The following KLHL1 variants were observed in gnomAD, a reference collection of about 807,000 sequenced individuals.
The protein encoded by KLHL1 is kelch like family member 1.
Under a neutral mutation model 77.7 loss-of-function variants are expected in KLHL1, and 47 were observed. The observed-to-expected ratio is 0.60, with a 90% CI of 0.48 to 0.77. The LOEUF (loss-of-function observed/expected upper bound fraction) is 0.77. Among genes scored for constraint, KLHL1 ranks in the 30% least tolerant of loss-of-function variants. KLHL1 has a pLI of 0.00. For missense variants in KLHL1, 925 were observed against 910.8 expected (o/e 1.02, Z -0.20); for synonymous variants, 360 against 325.2 (o/e 1.11, Z -1.15).
At chr13:69,916,096 G>C (rs903128181) in intron 4 of KLHL1, among the ~76,000 whole-genome samples, 1 of 152,126 alleles carries the variant, frequency 6.6e-6, no homozygotes, top group Non-Finnish European at 1.5e-5. Flanking sequence ...AACAACAGGT[G>C]CTGGAGAGGT....
At chr13:69,840,140 A>G (rs893610248) in intron 5 of KLHL1, among the ~76,000 whole-genome samples, 6 of 152,128 alleles carry the variant, frequency 3.9e-5, no homozygotes, top group African/African-American at 1.4e-4. Context: ...CACTATAATT[A>G]TGACTTTAAT....
At chr13:69,765,241 C>T (rs1037568075) in intron 7 of KLHL1, among the ~76,000 whole-genome samples, 1 of 151,852 alleles carries the variant, frequency 6.6e-6, no homozygotes, top group Non-Finnish European at 1.5e-5. Context: ...CATGAGCCAC[C>T]GCACCTGGCC....
intron 5 of KLHL1, among the ~76,000 whole-genome samples, chr13:69,870,516 A>G (rs1485090345): frequency 6.6e-6 from 1 of 151,982 alleles, no homozygotes; most frequent in Admixed American, 6.6e-5. Context: ...TCACATACAA[A>G]ATATCATCAT....
chr13:69,982,032 T>A (rs1477630242), intron 1 of KLHL1, among the ~76,000 whole-genome samples: 1 of 152,148 alleles, frequency 6.6e-6, no homozygotes, highest in African/African-American at 2.4e-5. Flanking sequence ...GTGTTTTTGC[T>A]TGTTTCTTTA....
chr13:69,817,506 G>A (rs1878167300), intron 6 of KLHL1, among the ~76,000 whole-genome samples: 1 of 152,184 alleles, frequency 6.6e-6, no homozygotes, highest in Non-Finnish European at 1.5e-5. Flanking sequence ...TAAAATGCAA[G>A]ATTACATTAG....
At chr13:69,945,178 G>T (rs1486986654) in intron 3 of KLHL1, among the ~76,000 whole-genome samples, 1 of 151,190 alleles carries the variant, frequency 6.6e-6, no homozygotes, top group Non-Finnish European at 1.5e-5. Context: ...GAACAGACGG[G>T]GTTTCACCAT....
chr13:69,753,157 T>C (rs1291194543), intron 7 of KLHL1, among the ~76,000 whole-genome samples: 2 of 152,146 alleles, frequency 1.3e-5, no homozygotes, highest in Non-Finnish European at 1.5e-5. Context: ...GCTCTCTTCC[T>C]CTCTGTCTTT....
At chr13:69,859,254 T>G (rs74880030) in intron 5 of KLHL1, among the ~76,000 whole-genome samples, 6,511 of 141,342 alleles carry the variant, frequency 0.046, 197 homozygotes, top group African/African-American at 0.085. Flanking sequence ...TCATCCATTT[T>G]GCACTTTTTT....
chr13:69,739,940 T>C (rs921910442), intron 8 of KLHL1, among the ~76,000 whole-genome samples: 7 of 152,148 alleles, frequency 4.6e-5, no homozygotes, highest in African/African-American at 1.7e-4. Flanking sequence ...AGGACACTTC[T>C]AAACACTCTG....
chr13:69,853,280 T>C (rs1034925116), intron 5 of KLHL1, among the ~76,000 whole-genome samples: 6 of 151,976 alleles, frequency 3.9e-5, no homozygotes, highest in African/African-American at 9.7e-5. Context: ...GTTCTCCTGA[T>C]AGTGAGTGAG....
At chr13:69,897,831 T>C (rs1881702852) in intron 4 of KLHL1, among the ~76,000 whole-genome samples, 1 of 152,134 alleles carries the variant, frequency 6.6e-6, no homozygotes, top group Non-Finnish European at 1.5e-5. Context: ...AAAGAAAGTA[T>C]AAGAATAGCA....
intron 1 of KLHL1, among the ~76,000 whole-genome samples, chr13:70,086,473 T>C (rs1887538673): frequency 6.7e-6 from 1 of 148,248 alleles, no homozygotes; most frequent in Non-Finnish European, 1.5e-5. Context: ...CCCAGCTACT[T>C]GGAAGGTTGA....
chr13:70,054,077 C>CCT (rs1886689900), intron 1 of KLHL1, among the ~76,000 whole-genome samples: 1 of 152,088 alleles, frequency 6.6e-6, no homozygotes, highest in South Asian at 2.1e-4. Flanking sequence ...TCCTCTGTCA[C>CCT]TTTGCTCAGT....
intron 7 of KLHL1, among the ~76,000 whole-genome samples, chr13:69,776,839 C>T (rs962894848): frequency 6.6e-6 from 1 of 152,132 alleles, no homozygotes; most frequent in Admixed American, 6.5e-5. Flanking sequence ...CTTAACAGCT[C>T]TTTCTGTGTG....
At position 69,860,199 on chromosome 13, in the gene KLHL1, T is replaced by C. The variant is rs546421159; in HGVS notation, c.1228-21037A>G. 1.1e-4 allele frequency among the ~76,000 whole-genome samples: 16 copies of C among 152,126 alleles called. No individual in the cohort carries two copies. In the South Asian group the frequency reaches 2.9e-3, roughly 28 times the overall value. The stretch of plus-strand genomic sequence containing the variant: ...TCTTCAGTACTACACTAGGTACAAT[T>C]GAAGATATGGAGTGGTAGAATATAT... On this transcript the variant is annotated intron_variant, in intron 5 of 10. Coordinates refer to ENST00000377844, the MANE Select transcript of KLHL1 (RefSeq NM_020866.3).
intron 7 of KLHL1, among the ~76,000 whole-genome samples, chr13:69,745,511 A>T (rs1874171474): frequency 6.6e-6 from 1 of 151,922 alleles, no homozygotes; most frequent in Admixed American, 6.6e-5. Context: ...TGATTTAGGA[A>T]AAAGATGTTA....
At chr13:69,930,033 A>G (rs1882950367) in intron 4 of KLHL1, among the ~76,000 whole-genome samples, 1 of 151,836 alleles carries the variant, frequency 6.6e-6, no homozygotes, top group Non-Finnish European at 1.5e-5. Flanking sequence ...TATCAGAAAA[A>G]TTATTTATTT....
Position 70,107,309 on chromosome 13 carries a change from G to A in KLHL1, c.391C>T (p.Pro131Ser), listed in dbSNP as rs1326920231. 3.7e-6 allele frequency: 6 copies of A among 1,614,002 alleles called. No homozygotes were observed. The highest frequency in any genetic ancestry group is 3.4e-6 in the Non-Finnish European group (4 of 1,180,042). The change falls in exon 1 of 11, where the codon CCA becomes TCA. Residue 131 changes from proline to serine, a missense_variant. Pro to Ser is a moderately conservative substitution (Grantham distance 74, BLOSUM62 -1). Coordinates refer to ENST00000377844, the MANE Select transcript of KLHL1 (RefSeq NM_020866.3). ...TGTGGTCCAGGAAAGTCCATGCCTG[G>A]CACCACCTCCTCCTCTAGTGACTCC... ...YVESLEEEVV[P>S]GMDFPGPHEK...
At chr13:69,780,041 C>T (rs1365416192) in intron 7 of KLHL1, among the ~76,000 whole-genome samples, 7 of 152,048 alleles carry the variant, frequency 4.6e-5, no homozygotes, top group East Asian at 1.9e-4. Flanking sequence ...CTCCTGATCT[C>T]GGGTGATCTA....
Sources: allele counts gnomAD v4.1 joint callset (sites outside exome capture counted in the v4.1 genomes callset), GRCh38; gene constraint gnomAD v4.1.1; transcripts MANE v1.5; gene names NCBI Gene and HGNC (gene_info 2026-07-23, HGNC 2026-07-21).